The following XPR1 variants were observed in gnomAD, a reference collection of about 807,000 sequenced individuals.
XPR1 encodes the protein xenotropic and polytropic retrovirus receptor 1.
XPR1 carries 28 observed loss-of-function variants against 87.5 expected under a neutral mutation model. That is an observed-to-expected ratio of 0.32 (90% CI 0.24 to 0.44). The LOEUF (loss-of-function observed/expected upper bound fraction) is 0.44, where lower values mean the gene tolerates loss of function less well. Among genes scored for constraint, XPR1 ranks in the 20% least tolerant of loss-of-function variants. The pLI, the probability that XPR1 is intolerant of heterozygous loss-of-function variation, is 1.00. For missense variants in XPR1, 559 were observed against 862.3 expected (o/e 0.65, Z 4.41); for synonymous variants, 300 against 306.1 (o/e 0.98, Z 0.21).
Position 180,886,197 on chromosome 1 carries a change from C to T in XPR1, c.*2131C>T, listed in dbSNP as rs1035590118. 3 of 152,042 alleles carry T rather than the reference C, an allele frequency of 2.0e-5. No homozygotes were observed. The highest frequency in any genetic ancestry group is 4.4e-5 in the Non-Finnish European group (3 of 67,988). 9.4% of individuals were successfully genotyped at this position (152,042 alleles called of 1,614,324 possible). A position where few individuals can be genotyped will look rare whatever the true frequency, so the allele number is the denominator to read the frequency against. ...TATTTATACTTGAGATTTTTTTCCC[C>T]TAACTATTCTGTTTTTTGTACTTTA... is the stretch of plus-strand genomic sequence containing the variant. On this transcript the variant is annotated 3_prime_UTR_variant, in exon 15 of 15. Coordinates refer to ENST00000367590, the MANE Select transcript of XPR1 (RefSeq NM_004736.4).
intron 2 of XPR1, among the ~76,000 whole-genome samples, chr1:180,687,122 C>G (rs1362389831): frequency 6.6e-6 from 1 of 152,020 alleles, no homozygotes; most frequent in Non-Finnish European, 1.5e-5. Context: ...TCCATAGAAG[C>G]TGAACTGATT....
At chr1:180,687,205 A>C (rs1418050486) in intron 2 of XPR1, among the ~76,000 whole-genome samples, 3 of 152,134 alleles carry the variant, frequency 2.0e-5, no homozygotes, top group African/African-American at 7.2e-5. Flanking sequence ...AGATACTCTG[A>C]GATATATTGA....
chr1:180,658,529 A>G (rs746588276), intron 1 of XPR1, among the ~76,000 whole-genome samples: 27 of 152,198 alleles, frequency 1.8e-4, no homozygotes, highest in Non-Finnish European at 2.6e-4. Context: ...TGCTTCTTCA[A>G]CATCAACCAA....
At chr1:180,640,128 A>G (rs1654918044) in intron 1 of XPR1, among the ~76,000 whole-genome samples, 1 of 152,208 alleles carries the variant, frequency 6.6e-6, no homozygotes, top group African/African-American at 2.4e-5. Flanking sequence ...TGATGAGGAA[A>G]CCCAGGCTTA....
At chr1:180,772,317 C>T (rs527903822) in intron 2 of XPR1, among the ~76,000 whole-genome samples, 12 of 152,194 alleles carry the variant, frequency 7.9e-5, no homozygotes, top group African/African-American at 2.4e-4. Context: ...TGTATTTTCC[C>T]TGACCCAGCC....
At chr1:180,766,413 A>G (rs1648288379) in intron 2 of XPR1, among the ~76,000 whole-genome samples, 1 of 152,220 alleles carries the variant, frequency 6.6e-6, no homozygotes, top group Non-Finnish European at 1.5e-5. Flanking sequence ...CATAATAAAC[A>G]TGCAGTAGAC....
chr1:180,825,906 TG>T (rs1650814536), intron 9 of XPR1, among the ~76,000 whole-genome samples: 1 of 151,976 alleles, frequency 6.6e-6, no homozygotes, highest in Non-Finnish European at 1.5e-5. Context: ...CAAAATTAGC[TG>T]GGGGTGGTGG....
At chr1:180,643,600 A>G (rs1343042722) in intron 1 of XPR1, among the ~76,000 whole-genome samples, 1 of 152,198 alleles carries the variant, frequency 6.6e-6, no homozygotes, top group Non-Finnish European at 1.5e-5. Flanking sequence ...GCCTGTTGAC[A>G]TAGGTGTTTA....
At chr1:180,704,245 G>T (rs866795222) in intron 2 of XPR1, among the ~76,000 whole-genome samples, 20 of 66,034 alleles carry the variant, frequency 3.0e-4, no homozygotes, top group South Asian at 1.1e-3. Flanking sequence ...ATAGGTGCTG[G>T]ATATATATAT....
intron 3 of XPR1, among the ~76,000 whole-genome samples, chr1:180,801,406 A>T (rs1267395383): frequency 6.6e-6 from 1 of 152,236 alleles, no homozygotes; most frequent in African/African-American, 2.4e-5. Context: ...GACCCACATA[A>T]ATGGATGAAA....
intron 2 of XPR1, among the ~76,000 whole-genome samples, chr1:180,711,004 A>C (rs1657757823): frequency 7.4e-6 from 1 of 135,072 alleles, no homozygotes; most frequent in African/African-American, 2.9e-5. Flanking sequence ...GGGGCTCCTC[A>C]CTTCTCAGAC....
chr1:180,698,930 T>C (rs1438806911), intron 2 of XPR1, among the ~76,000 whole-genome samples: 11 of 144,246 alleles, frequency 7.6e-5, no homozygotes, highest in African/African-American at 2.3e-4. Flanking sequence ...TCTTGATGTT[T>C]TCAGAATTCT....
chr1:180,690,248 T>C (rs1656933290), intron 2 of XPR1, among the ~76,000 whole-genome samples: 1 of 152,104 alleles, frequency 6.6e-6, no homozygotes, highest in African/African-American at 2.4e-5. Context: ...TTTCAGAGGA[T>C]AGAAGAAGAC....
intron 11 of XPR1, among the ~76,000 whole-genome samples, chr1:180,847,134 A>G (rs572814450): frequency 2.9e-4 from 44 of 152,336 alleles, no homozygotes; most frequent in Non-Finnish European, 4.7e-4. Context: ...TACACAACAC[A>G]TTTCATAGCT....
intron 2 of XPR1, among the ~76,000 whole-genome samples, chr1:180,747,460 T>C (rs1251676689): frequency 6.6e-6 from 1 of 152,230 alleles, no homozygotes; most frequent in Non-Finnish European, 1.5e-5. Flanking sequence ...ATTATTTGTT[T>C]GTAATTTGCC....
At chr1:180,786,122 G>A (rs79863937) in intron 2 of XPR1, among the ~76,000 whole-genome samples, 35 of 152,108 alleles carry the variant, frequency 2.3e-4, no homozygotes, top group African/African-American at 7.7e-4. Flanking sequence ...TGCATTATCT[G>A]ATCAGGTCTA....
At chr1:180,759,313 T>G (rs1322031262) in intron 2 of XPR1, among the ~76,000 whole-genome samples, 1 of 151,992 alleles carries the variant, frequency 6.6e-6, no homozygotes, top group African/African-American at 2.4e-5. Flanking sequence ...CTTCAAAAAT[T>G]AATGAATCCA....
chr1:180,782,202 G>A (rs747052477), intron 2 of XPR1, among the ~76,000 whole-genome samples: 1 of 151,516 alleles, frequency 6.6e-6, no homozygotes, highest in Non-Finnish European at 1.5e-5. Context: ...TACAATTGTT[G>A]ATATATCTTT....
At chr1:180,714,405 CGTCTGTCT>C (rs141207072) in intron 2 of XPR1, among the ~76,000 whole-genome samples, 6 of 120,604 alleles carry the variant, frequency 5.0e-5, no homozygotes, top group African/African-American at 1.6e-4. Flanking sequence ...CTCTCTCTGT[CGTCTGTCT>C]GTCTGTCTGT....
Sources: gnomAD v4.1 joint callset for allele counts (sites outside exome capture counted in the v4.1 genomes callset) on GRCh38, gnomAD v4.1.1 for gene constraint, MANE v1.5 for transcripts, NCBI Gene and HGNC (gene_info 2026-07-23, HGNC 2026-07-21) for gene names.